The following SORCS2 variants were observed in gnomAD, a reference collection of about 807,000 sequenced individuals.
SORCS2 encodes sortilin related VPS10 domain containing receptor 2, also known as VPS10 domain-containing receptor SorCS2.
Under a neutral mutation model 141.6 loss-of-function variants are expected in SORCS2, and 100 were observed. The ratio of observed to expected loss-of-function variants is 0.71; its 90% confidence interval spans 0.60 to 0.83. SORCS2 has a LOEUF of 0.83. Among genes scored for constraint, SORCS2 ranks in the 40% least tolerant of loss-of-function variants. SORCS2 has a pLI of 0.00. For missense variants in SORCS2, 1,646 were observed against 1,560.2 expected (o/e 1.05, Z -0.93); for synonymous variants, 789 against 676.9 (o/e 1.17, Z -2.57).
intron 2 of SORCS2, among the ~76,000 whole-genome samples, chr4:7,396,627 T>TTTCCTCCCCGCTTCCTTTC (rs1724233460): frequency 6.6e-6 from 1 of 152,230 alleles, no homozygotes; most frequent in African/African-American, 2.4e-5. Flanking sequence ...CGCTTCCTTT[T>TTTCCTCCCCGCTTCCTTTC]TTTCCTCCCC....
At chr4:7,725,433 G>A in intron 20 of SORCS2, 146 bp downstream of exon 20, 14 of 1,220,416 alleles carry the variant, frequency 1.1e-5, no homozygotes, top group Non-Finnish European at 1.4e-5. Flanking sequence ...TGGGGCAGTT[G>A]AGAGGGGCAC....
At position 7,664,829 on chromosome 4, in the gene SORCS2, C is replaced by T. The variant is rs1470832334; in HGVS notation, c.1071+358C>T. On this transcript the variant is annotated intron_variant, in intron 7 of 26. Coordinates refer to ENST00000507866, the MANE Select transcript of SORCS2 (RefSeq NM_020777.3). The surrounding 1 kb of genome is among the most constrained non-coding windows in gnomAD (Gnocchi z 4.7). ...GGTCCCGGCTCTTGGCCACCAGGCA[C>T]CGGCTATCCACAGCCCTGTGACCAG... Among the ~76,000 whole-genome samples, 3 of 152,216 alleles carry T rather than the reference C, an allele frequency of 2.0e-5. No homozygotes were observed. Among genetic ancestry groups the T allele is most frequent in the South Asian group, 2.1e-4 (1 of 4,834 alleles).
intron 3 of SORCS2, among the ~76,000 whole-genome samples, chr4:7,585,370 T>C (rs1716470311): frequency 6.6e-6 from 1 of 152,162 alleles, no homozygotes; most frequent in African/African-American, 2.4e-5. Context: ...GAGTGGAATG[T>C]GGATCACTGA....
intron 1 of SORCS2, among the ~76,000 whole-genome samples, chr4:7,241,028 G>T (rs1449274756): frequency 6.6e-6 from 1 of 152,142 alleles, no homozygotes; most frequent in Non-Finnish European, 1.5e-5. Flanking sequence ...TCTGCCTCCC[G>T]GGATCAAGAG....
chr4:7,546,932 G>C (rs1265627271), intron 3 of SORCS2, among the ~76,000 whole-genome samples: 1 of 152,204 alleles, frequency 6.6e-6, no homozygotes, highest in African/African-American at 2.4e-5. Context: ...GGTAAAAATA[G>C]CTTAAATTCC....
intron 2 of SORCS2, among the ~76,000 whole-genome samples, chr4:7,478,971 C>G (rs989082938): frequency 6.6e-6 from 1 of 152,176 alleles, no homozygotes; most frequent in African/African-American, 2.4e-5. Flanking sequence ...TTTGTGTCAC[C>G]TAATAAAAAT....
At chr4:7,738,876 G>A (rs573945678) in intron 26 of SORCS2, among the ~76,000 whole-genome samples, 20 of 152,278 alleles carry the variant, frequency 1.3e-4, no homozygotes, top group East Asian at 7.7e-4. Context: ...TCCCCTGCGC[G>A]CTCTCCAGCC....
chr4:7,339,215 T>C (rs1720218645), intron 1 of SORCS2, among the ~76,000 whole-genome samples: 1 of 152,218 alleles, frequency 6.6e-6, no homozygotes. Flanking sequence ...GCACAGCTAC[T>C]CTTGGGTAGG....
At chr4:7,530,899 T>C (rs1263090665) in intron 2 of SORCS2, among the ~76,000 whole-genome samples, 1 of 152,142 alleles carries the variant, frequency 6.6e-6, no homozygotes, top group Admixed American at 6.5e-5. Context: ...CAGATGCCAC[T>C]CCAGGGCGGG....
At chr4:7,549,717 C>A (rs1713537077) in intron 3 of SORCS2, among the ~76,000 whole-genome samples, 1 of 152,192 alleles carries the variant, frequency 6.6e-6, no homozygotes, top group African/African-American at 2.4e-5. Context: ...TGCCCACAGC[C>A]CGCTGCGCAC....
intron 1 of SORCS2, among the ~76,000 whole-genome samples, chr4:7,376,494 T>G (rs1276690441): frequency 6.6e-6 from 1 of 152,152 alleles, no homozygotes; most frequent in Non-Finnish European, 1.5e-5. Context: ...GGAGAATCGC[T>G]TGAACCCAGG....
chr4:7,708,013 C>T (rs770630927), intron 14 of SORCS2, among the ~76,000 whole-genome samples: 16 of 152,260 alleles, frequency 1.1e-4, no homozygotes, highest in Non-Finnish European at 2.1e-4. Context: ...TCCACAGCCC[C>T]GAAACTGGGA....
At position 7,676,496 on chromosome 4, in the gene SORCS2, G is replaced by A. The variant is rs140501265; in HGVS notation, c.1341+267G>A. Among the ~76,000 whole-genome samples the A allele has an allele frequency of 3.5e-3, 534 of 152,278 alleles. 4 individuals are homozygous for A. Among genetic ancestry groups the A allele is most frequent in the African/African-American group, 0.012 (518 of 41,562 alleles). On this transcript the variant is annotated intron_variant, in intron 9 of 26. Transcript: ENST00000507866. ...TATAAGTTCTTGTCATGAGAAGAATGGAATTCTTTGAGGGAATAACATTTT... is the reference window on the plus strand; with the variant it reads ...TATAAGTTCTTGTCATGAGAAGAATAGAATTCTTTGAGGGAATAACATTTT...
At chr4:7,539,845 C>T (rs1343302090) in intron 3 of SORCS2, among the ~76,000 whole-genome samples, 12 of 151,222 alleles carry the variant, frequency 7.9e-5, no homozygotes, top group African/African-American at 2.2e-4. Flanking sequence ...GTGGCTGCTC[C>T]GCCCCATTCC....
intron 3 of SORCS2, among the ~76,000 whole-genome samples, chr4:7,599,140 T>C (rs953928012): frequency 6.6e-6 from 1 of 152,028 alleles, no homozygotes; most frequent in Admixed American, 6.5e-5. Context: ...CGCAGGCTTC[T>C]CATGGCCGCC....
chr4:7,496,245 A>G (rs1731607167), intron 2 of SORCS2, among the ~76,000 whole-genome samples: 1 of 152,132 alleles, frequency 6.6e-6, no homozygotes, highest in South Asian at 2.1e-4. Flanking sequence ...ACCTGCAAAG[A>G]ACTTCTGTCC....
rs568392662 is a variant in SORCS2 at position 7,381,627 on chromosome 4, T to C, written c.481-14661T>C. Among the ~76,000 whole-genome samples the C allele has an allele frequency of 1.2e-3, 190 of 152,268 alleles. 1 individual carries two copies. Among genetic ancestry groups the C allele is most frequent in the South Asian group, 5.6e-3 (27 of 4,822 alleles). On this transcript the variant is annotated intron_variant, in intron 1 of 26. Transcript: ENST00000507866. Reference sequence around the variant, plus strand: ...CCCCTCAGGCAGCCAACTCTCTTACTCACAGAATGATGTAAACCTTCTCTT... The same window carrying C: ...CCCCTCAGGCAGCCAACTCTCTTACCCACAGAATGATGTAAACCTTCTCTT...
At chr4:7,321,888 G>T (rs553974669) in intron 1 of SORCS2, among the ~76,000 whole-genome samples, 26 of 152,334 alleles carry the variant, frequency 1.7e-4, no homozygotes, top group African/African-American at 6.3e-4. Flanking sequence ...GGCTGGAAAG[G>T]TGTTCGATTT....
At chr4:7,465,136 G>A (rs1729541663) in intron 2 of SORCS2, among the ~76,000 whole-genome samples, 1 of 152,366 alleles carries the variant, frequency 6.6e-6, no homozygotes, top group East Asian at 1.9e-4. Context: ...CTGGGCGAAA[G>A]AAGGCCCAGG....
Sources: gnomAD v4.1 joint callset for allele counts (sites outside exome capture counted in the v4.1 genomes callset) on GRCh38, gnomAD v4.1.1 for gene constraint, Gnocchi (gnomAD v3.1) non-coding constraint, MANE v1.5 for transcripts, NCBI Gene and HGNC (gene_info 2026-07-23, HGNC 2026-07-21) for gene names.